ZFYVE1: variants seen among roughly 807,000 people sequenced by gnomAD.
ZFYVE1 encodes zinc finger FYVE-type containing 1.
A neutral mutation model predicts 74.4 loss-of-function variants in ZFYVE1; 30 were observed. The ratio of observed to expected loss-of-function variants is 0.40; its 90% CI spans 0.30 to 0.55. ZFYVE1 has a LOEUF of 0.55. ZFYVE1 is among the 20% of genes least tolerant of loss of function. The pLI is 0.42. For synonymous variants in ZFYVE1, 335 were observed against 385.1 expected, an observed-to-expected ratio of 0.87 and a Z score of 1.52; for missense variants, 703 against 1,011.6, an observed-to-expected ratio of 0.69 and a Z score of 4.14.
chr14:72,981,694 A>C (rs1022301647), intron 5 of ZFYVE1, 95 bp downstream of exon 5: 2 of 1,137,198 alleles, frequency 1.8e-6, no homozygotes, highest in African/African-American at 3.1e-5. Context: ...GCAAGATCCC[A>C]GGGGATCTGC....
intron 2 of ZFYVE1, among the ~76,000 whole-genome samples, chr14:73,019,830 A>C (rs1894278416): frequency 6.6e-6 from 1 of 152,064 alleles, no homozygotes; most frequent in African/African-American, 2.4e-5. Flanking sequence ...TGGTGCCTAC[A>C]ATCACAGCTA....
chr14:73,026,421 T>A (rs1051742848), intron 1 of ZFYVE1, among the ~76,000 whole-genome samples: 2 of 152,046 alleles, frequency 1.3e-5, no homozygotes, highest in African/African-American at 4.8e-5. Flanking sequence ...GTAATCAATC[T>A]ATCAACCTTA....
At chr14:73,022,658 C>G (rs61986553) in intron 2 of ZFYVE1, among the ~76,000 whole-genome samples, 8,671 of 152,178 alleles carry the variant, frequency 0.057, 329 homozygotes, top group Non-Finnish European at 0.089. Context: ...TATGTGAATT[C>G]AAGCAAACTT....
chr14:72,996,601 T>C (rs892498596), intron 3 of ZFYVE1, among the ~76,000 whole-genome samples: 2 of 152,172 alleles, frequency 1.3e-5, no homozygotes, highest in African/African-American at 2.4e-5. Flanking sequence ...TTGAAGCTAC[T>C]AGGAGTTTGC....
intron 2 of ZFYVE1, among the ~76,000 whole-genome samples, chr14:73,015,227 C>CGGAAGGAAGGAA: frequency 9.1e-6 from 1 of 110,218 alleles, no homozygotes; most frequent in Non-Finnish European, 1.8e-5. Flanking sequence ...GAGACTCCAT[C>CGGAAGGAAGGAA]TGAAGGAAGG....
chr14:73,008,275 T>C (rs1894021651), intron 2 of ZFYVE1, among the ~76,000 whole-genome samples: 1 of 152,252 alleles, frequency 6.6e-6, no homozygotes, highest in African/African-American at 2.4e-5. Context: ...TTCTCCTGCC[T>C]CAGCTTCCTA....
chr14:73,024,716 G>C lies in ZFYVE1; in HGVS notation c.-208C>G, dbSNP rs748809803. 7 of 643,816 alleles carry C rather than the reference G, an allele frequency of 1.1e-5. No individual in the cohort carries two copies. Among genetic ancestry groups the C allele is most frequent in the Non-Finnish European group, 1.7e-5 (7 of 408,482 alleles). The allele number at this position is 643,816 out of a possible 1,614,324, so 39.9% of individuals were successfully genotyped here. A position where few individuals can be genotyped will look rare whatever the true frequency, so the allele number is the denominator to read the frequency against. ...TGCTGCCTCTAAGACTCTTGTATTA[G>C]CAGCAACGTTGATTTGGTTTGATGG... On this transcript the variant is annotated 5_prime_UTR_variant, in exon 2 of 12. Coordinates refer to ENST00000556143, the MANE Select transcript of ZFYVE1 (RefSeq NM_021260.4).
At chr14:73,007,695 C>G (rs1400001247) in intron 2 of ZFYVE1, among the ~76,000 whole-genome samples, 1 of 152,140 alleles carries the variant, frequency 6.6e-6, no homozygotes. Context: ...AAATTTCAAA[C>G]AGGATTTTAC....
At chr14:73,012,990 C>T (rs1894120213) in intron 2 of ZFYVE1, among the ~76,000 whole-genome samples, 1 of 152,130 alleles carries the variant, frequency 6.6e-6, no homozygotes, top group Non-Finnish European at 1.5e-5. Flanking sequence ...GATCATGCTG[C>T]CCCTTCACTT....
At chr14:72,980,855 C>T (rs1371328650) in intron 5 of ZFYVE1, among the ~76,000 whole-genome samples, 1 of 152,042 alleles carries the variant, frequency 6.6e-6, no homozygotes, top group East Asian at 1.9e-4. Context: ...CGTGCCCGGC[C>T]GAGAATTTAT....
intron 2 of ZFYVE1, among the ~76,000 whole-genome samples, chr14:73,003,021 T>C (rs1235356767): frequency 6.7e-6 from 1 of 150,238 alleles, no homozygotes; most frequent in Non-Finnish European, 1.5e-5. Context: ...GGATTACAGG[T>C]GTGACCACCG....
At chr14:72,985,832 T>TG (rs1185389415) in intron 4 of ZFYVE1, among the ~76,000 whole-genome samples, 1 of 152,172 alleles carries the variant, frequency 6.6e-6, no homozygotes, top group African/African-American at 2.4e-5. Flanking sequence ...TTGCCCAGGC[T>TG]GGTCTCCTGG....
chr14:72,980,625 T>C (rs761659985), intron 5 of ZFYVE1, among the ~76,000 whole-genome samples: 7 of 152,094 alleles, frequency 4.6e-5, no homozygotes. Context: ...TGGAGTGCAG[T>C]GGCGCAATCT....
intron 2 of ZFYVE1, among the ~76,000 whole-genome samples, chr14:73,011,872 A>G (rs538403891): frequency 6.6e-6 from 1 of 151,432 alleles, no homozygotes; most frequent in East Asian, 2.0e-4. Context: ...ATAAGATTGC[A>G]TACATATATA....
Position 72,989,025 on chromosome 14 carries a change from G to A in ZFYVE1, c.1203+4118C>T, listed in dbSNP as rs184260021. 4.0e-5 allele frequency among the ~76,000 whole-genome samples: 6 copies of A among 151,022 alleles called. No homozygotes were observed. The East Asian group carries it at 1.2e-3, about 30-fold the overall frequency. ...GCAAACTGCAACCTCCACCTCCAGG[G>A]GTTCAAGCCATTCTGCCTCAGCATC... On this transcript the variant is annotated intron_variant, in intron 4 of 11. Transcript: ENST00000556143.
chr14:72,971,135 C>A, intron 11 of ZFYVE1, 21 bp from the exon 12 acceptor site: 1 of 1,613,262 alleles, frequency 6.2e-7, no homozygotes, highest in South Asian at 1.1e-5. Context: ...GAACAATGGT[C>A]AGGGCACCCA....
At chr14:72,988,635 C>T (rs1402809411) in intron 4 of ZFYVE1, among the ~76,000 whole-genome samples, 8 of 151,318 alleles carry the variant, frequency 5.3e-5, no homozygotes, top group Non-Finnish European at 7.4e-5. Context: ...GGTGAAACCC[C>T]GTCTCTACTA....
chr14:72,974,871 G>A lies in ZFYVE1; in HGVS notation c.1895C>T (p.Ser632Leu). 1 of 1,614,170 alleles carries A rather than the reference G, an allele frequency of 6.2e-7. No individual in the cohort carries two copies. Among genetic ancestry groups the A allele is most frequent in the Non-Finnish European group, 8.5e-7 (1 of 1,180,016 alleles). ...ACGEGFCDSC[S>L]SKTRPVPERG... Reference sequence around the variant, plus strand: ...CTCAGGCACTGGCCGAGTCTTTGATGAACAGCTGTCACAGAAGCCCTCCCC... The same window carrying A: ...CTCAGGCACTGGCCGAGTCTTTGATAAACAGCTGTCACAGAAGCCCTCCCC... The change falls in exon 10 of 12, where the codon TCA becomes TTA. Residue 632 changes from serine to leucine, a missense_variant. Coordinates refer to ENST00000556143, the MANE Select transcript of ZFYVE1 (RefSeq NM_021260.4).
At position 73,014,365 on chromosome 14, in the gene ZFYVE1, C is replaced by T. The variant is rs1244155003; in HGVS notation, c.483+9661G>A. Among the ~76,000 whole-genome samples, 4 of 152,284 alleles carry T rather than the reference C, an allele frequency of 2.6e-5. No individual in the cohort carries two copies. In the East Asian group the frequency reaches 5.8e-4, roughly 22 times the overall value. ...TCATCTTTCTTTTGGTCTGAGTCAT[C>T]CTCAACCCTGTGTTTCCCAGTAAAC... is the stretch of plus-strand genomic sequence containing the variant. On this transcript the variant is annotated intron_variant, in intron 2 of 11. Transcript: ENST00000556143.
Sources: allele counts gnomAD v4.1 joint callset (sites outside exome capture counted in the v4.1 genomes callset), GRCh38; gene constraint gnomAD v4.1.1; transcripts MANE v1.5; gene names NCBI Gene and HGNC (gene_info 2026-07-23, HGNC 2026-07-21).